Variants in CHSY3 observed in about 807,000 individuals in gnomAD.
The protein encoded by CHSY3 is N-acetylgalactosaminyl-proteoglycan 3-beta-glucuronosyltransferase 3.
Under a neutral mutation model 67.2 loss-of-function variants are expected in CHSY3, and 35 were observed. That is an observed-to-expected ratio of 0.52 (90% CI 0.40 to 0.69). CHSY3 has a LOEUF of 0.69. Ranked by LOEUF, CHSY3 falls within the 30% of genes least tolerant of loss-of-function variation. The pLI is 0.00. For missense variants in CHSY3, 1,069 were observed against 1,138.5 expected, an observed-to-expected ratio of 0.94 and a Z score of 0.88; for synonymous variants, 474 against 434.7, an observed-to-expected ratio of 1.09 and a Z score of -1.12.
chr5:130,135,597 G>C (rs1290044433), intron 2 of CHSY3, among the ~76,000 whole-genome samples: 1 of 151,898 alleles, frequency 6.6e-6, no homozygotes, highest in African/African-American at 2.4e-5. Flanking sequence ...TTTGTTCTTT[G>C]TTACCATCAT....
chr5:129,949,803 T>C (rs1761972203), intron 2 of CHSY3, among the ~76,000 whole-genome samples: 1 of 152,128 alleles, frequency 6.6e-6, no homozygotes, highest in South Asian at 2.1e-4. Flanking sequence ...CAAGGGTGGT[T>C]CAACATACAC....
chr5:129,998,002 T>C (rs536232494), intron 2 of CHSY3, among the ~76,000 whole-genome samples: 1 of 152,322 alleles, frequency 6.6e-6, no homozygotes, highest in Admixed American at 6.5e-5. Flanking sequence ...TAGCATGATT[T>C]ATTATTCTTT....
intron 2 of CHSY3, among the ~76,000 whole-genome samples, chr5:130,025,754 C>G (rs1015269497): frequency 9.9e-5 from 15 of 152,132 alleles, no homozygotes; most frequent in Admixed American, 6.6e-4. Context: ...TGTACTAACT[C>G]CATTCATGAG....
At chr5:129,936,421 C>T (rs1046101263) in intron 2 of CHSY3, among the ~76,000 whole-genome samples, 2 of 151,900 alleles carry the variant, frequency 1.3e-5, no homozygotes, top group Non-Finnish European at 2.9e-5. Flanking sequence ...TTGGGTCAGC[C>T]CCTATCTAGT....
chr5:130,136,593 T>C (rs189668531), intron 2 of CHSY3, among the ~76,000 whole-genome samples: 2 of 152,186 alleles, frequency 1.3e-5, no homozygotes, highest in East Asian at 1.9e-4. Context: ...AAGAAAATAA[T>C]AGTTTAAGAT....
chr5:129,953,032 C>G (rs1357695687), intron 2 of CHSY3, among the ~76,000 whole-genome samples: 3 of 151,978 alleles, frequency 2.0e-5, no homozygotes, highest in African/African-American at 7.3e-5. Context: ...GCAGAACGTG[C>G]AGGTTTGTTA....
chr5:129,972,591 C>T (rs77381214), intron 2 of CHSY3, among the ~76,000 whole-genome samples: 2,154 of 151,616 alleles, frequency 0.014, 50 homozygotes, highest in African/African-American at 0.049. Context: ...AGCTACTGGC[C>T]TGATCTCTGC....
chr5:129,927,821 G>T (rs544754925), intron 2 of CHSY3, among the ~76,000 whole-genome samples: 1 of 151,874 alleles, frequency 6.6e-6, no homozygotes, highest in East Asian at 1.9e-4. Context: ...TAAAGGATTG[G>T]AGTGGTTAAT....
At chr5:130,095,900 C>T (rs1222330735) in intron 2 of CHSY3, among the ~76,000 whole-genome samples, 4 of 152,202 alleles carry the variant, frequency 2.6e-5, no homozygotes, top group Admixed American at 1.3e-4. Flanking sequence ...TGACGCACTG[C>T]GGAGACTACA....
intron 2 of CHSY3, among the ~76,000 whole-genome samples, chr5:130,037,485 A>AT (rs1375962406): frequency 6.6e-6 from 1 of 152,124 alleles, no homozygotes; most frequent in African/African-American, 2.4e-5. Flanking sequence ...TCTTATAAGT[A>AT]TTTTAAAAAG....
At chr5:130,123,931 G>A (rs2149710112) in intron 2 of CHSY3, among the ~76,000 whole-genome samples, 1 of 150,654 alleles carries the variant, frequency 6.6e-6, no homozygotes, top group South Asian at 2.1e-4. Flanking sequence ...TGGTGGCGGG[G>A]GCCTGTAGTC....
chr5:130,012,968 T>C (rs1323173299), intron 2 of CHSY3, among the ~76,000 whole-genome samples: 6 of 151,696 alleles, frequency 4.0e-5, no homozygotes, highest in Non-Finnish European at 8.8e-5. Flanking sequence ...CAAAAGCAAG[T>C]TTGTTACATC....
chr5:130,067,536 A>G (rs1038728248), intron 2 of CHSY3, among the ~76,000 whole-genome samples: 1 of 152,068 alleles, frequency 6.6e-6, no homozygotes, highest in Admixed American at 6.6e-5. Context: ...AGTGGTAGGA[A>G]TGTTTGTTTA....
chr5:129,922,498 T>C (rs1272867868), intron 2 of CHSY3, among the ~76,000 whole-genome samples: 2 of 152,254 alleles, frequency 1.3e-5, no homozygotes, highest in African/African-American at 4.8e-5. Flanking sequence ...CCAACACTTG[T>C]TATTTTTGAT....
At chr5:129,930,406 C>G (rs1209771445) in intron 2 of CHSY3, among the ~76,000 whole-genome samples, 1 of 141,566 alleles carries the variant, frequency 7.1e-6, no homozygotes, top group Non-Finnish European at 1.5e-5. Context: ...GCTATGGAAA[C>G]AAGATAGCCA....
At chr5:130,090,060 C>T (rs1008542526) in intron 2 of CHSY3, among the ~76,000 whole-genome samples, 2 of 152,098 alleles carry the variant, frequency 1.3e-5, no homozygotes, top group African/African-American at 2.4e-5. Context: ...TTATAGTTCC[C>T]GCGGCTTGCC....
At chr5:130,123,148 A>T (rs1561546937) in intron 2 of CHSY3, among the ~76,000 whole-genome samples, 1 of 152,180 alleles carries the variant, frequency 6.6e-6, no homozygotes, top group Admixed American at 6.6e-5. Flanking sequence ...AAAATAAGAG[A>T]TTAATTTTAT....
At chr5:129,986,104 A>T (rs1445050390) in intron 2 of CHSY3, among the ~76,000 whole-genome samples, 1 of 152,172 alleles carries the variant, frequency 6.6e-6, no homozygotes, top group East Asian at 1.9e-4. Flanking sequence ...GTCGTGTTCC[A>T]GATCTCAATG....
chr5:130,069,052 C>T (rs1246775973), intron 2 of CHSY3, among the ~76,000 whole-genome samples: 1 of 151,746 alleles, frequency 6.6e-6, no homozygotes, highest in Admixed American at 6.6e-5. Flanking sequence ...AATAGGTTAC[C>T]CAGGGTTCAA....
Sources: gnomAD v4.1 joint callset for allele counts (sites outside exome capture counted in the v4.1 genomes callset) on GRCh38, gnomAD v4.1.1 for gene constraint, MANE v1.5 for transcripts, NCBI Gene and HGNC (gene_info 2026-07-23, HGNC 2026-07-21) for gene names.